The following EPS15L1 variants were observed in gnomAD, a reference collection of about 807,000 sequenced individuals.
EPS15L1 encodes the protein epidermal growth factor receptor pathway substrate 15 like 1, also known as epidermal growth factor receptor substrate 15-like 1.
Under a neutral mutation model 117.1 loss-of-function variants are expected in EPS15L1, and 43 were observed. That is an observed-to-expected ratio of 0.37 (90% CI 0.29 to 0.47). The LOEUF (loss-of-function observed/expected upper bound fraction) is 0.47. Among genes scored for constraint, EPS15L1 ranks in the 20% least tolerant of loss-of-function variants. The probability of loss-of-function intolerance (pLI) is 0.99; values close to 1 mark genes in which losing one functional copy is unlikely to be tolerated. For missense variants in EPS15L1, 981 were observed against 1,164.0 expected, an observed-to-expected ratio of 0.84 and a Z score of 2.29; for synonymous variants, 459 against 470.5, an observed-to-expected ratio of 0.98 and a Z score of 0.32.
chr19:16,355,395 G>GT lies in EPS15L1; in HGVS notation c.*309dup. The GT allele has an allele frequency of 6.0e-6, 2 of 332,334 alleles. No homozygotes were observed. The highest frequency in any genetic ancestry group is 8.2e-4 in the Middle Eastern group (1 of 1,218). The allele number at this position is 332,334 out of a possible 1,614,324, so 20.6% of individuals were successfully genotyped here. ...TAGGGAGGAGGCGGGGAAGCCCTGGGTGCTTCCTCTCCTCGACTGACCGCT... is the reference window on the plus strand; with the variant it reads ...TAGGGAGGAGGCGGGGAAGCCCTGGGTTGCTTCCTCTCCTCGACTGACCGCT... On this transcript the variant is annotated 3_prime_UTR_variant, in exon 24 of 24. Transcript: ENST00000455140.
intron 16 of EPS15L1, among the ~76,000 whole-genome samples, chr19:16,397,372 G>A (rs2092551409): frequency 6.6e-6 from 1 of 152,182 alleles, no homozygotes. Context: ...TTACAGGCGT[G>A]AGCCACCGCG....
In EPS15L1 at chr19:16,383,465, C is replaced by T. The variant is rs1361193243; in HGVS notation, c.2247+1664G>A. On this transcript the variant is annotated intron_variant, in intron 21 of 23. Coordinates refer to ENST00000455140, the MANE Select transcript of EPS15L1 (RefSeq NM_001258374.3). This position sits in a 1 kb window ranked among gnomAD's most constrained non-coding sequence, Gnocchi z 5.2. ...GCTGCCACCGTGTGGCCAACGTTTT[C>T]TGCTTTCGGGAGATGGTTTCCCGCC... The T allele has an allele frequency of 1.3e-5, 2 of 152,242 alleles. No individual in the cohort carries two copies. The highest frequency in any genetic ancestry group is 1.9e-4 in the East Asian group (1 of 5,190). The allele number at this position is 152,242 out of a possible 1,614,324, so 9.4% of individuals were successfully genotyped here. A position where few individuals can be genotyped will look rare whatever the true frequency, so the allele number is the denominator to read the frequency against.
chr19:16,436,927 G>C lies in EPS15L1; in HGVS notation c.372+10C>G. 1 of 1,609,316 alleles carries C rather than the reference G, an allele frequency of 6.2e-7. No homozygotes were observed. The highest frequency in any genetic ancestry group is 8.5e-7 in the Non-Finnish European group (1 of 1,175,984). ...GAGAGCCAAGGAGGGAGCTATTCCC[G>C]TTCACTTACCCTCACAGCCCAGTGG... On this transcript the variant is annotated intron_variant, in intron 6 of 23. Coordinates refer to ENST00000455140, the MANE Select transcript of EPS15L1 (RefSeq NM_001258374.3).
Position 16,471,950 on chromosome 19 carries a change from C to T in EPS15L1, c.-5G>A, listed in dbSNP as rs1437927525. On this transcript the variant is annotated 5_prime_UTR_variant, in exon 1 of 24. Transcript: ENST00000455140. This position sits in a 1 kb window ranked among gnomAD's most constrained non-coding sequence, Gnocchi z 4.8. Reference sequence around the variant, plus strand: ...GGGGATGAGCGGCGCCGCCATCTTCCCGCGGACTCGGGCTCCGAGCGCCGG... The same window carrying T: ...GGGGATGAGCGGCGCCGCCATCTTCTCGCGGACTCGGGCTCCGAGCGCCGG... 7.8e-7 allele frequency: 1 copy of T among 1,287,532 alleles called. No individual in the cohort carries two copies. Among genetic ancestry groups the T allele is most frequent in the Non-Finnish European group, 9.8e-7 (1 of 1,018,286 alleles). The allele number at this position is 1,287,532 out of a possible 1,614,324, so 79.8% of individuals were successfully genotyped here. A position where few individuals can be genotyped will look rare whatever the true frequency, so the allele number is the denominator to read the frequency against.
chr19:16,430,767 G>A (rs2092919911), intron 7 of EPS15L1, among the ~76,000 whole-genome samples: 1 of 152,220 alleles, frequency 6.6e-6, no homozygotes, highest in Non-Finnish European at 1.5e-5. Context: ...ACGGATGCAA[G>A]TGCGCACGGA....
intron 13 of EPS15L1, among the ~76,000 whole-genome samples, chr19:16,407,728 CAT>C (rs762351521): frequency 3.9e-5 from 6 of 152,188 alleles, no homozygotes; most frequent in Admixed American, 1.3e-4. Context: ...ATTTTTTGCA[CAT>C]AGTTTCTCCC....
intron 1 of EPS15L1, among the ~76,000 whole-genome samples, chr19:16,465,287 A>G (rs1599697948): frequency 6.6e-6 from 1 of 151,926 alleles, no homozygotes; most frequent in Admixed American, 6.6e-5. Flanking sequence ...AGCTTGGACC[A>G]CCCGTGACCT....
intron 9 of EPS15L1, among the ~76,000 whole-genome samples, chr19:16,423,906 G>C (rs918362925): frequency 6.6e-6 from 1 of 152,206 alleles, no homozygotes; most frequent in African/African-American, 2.4e-5. Flanking sequence ...TTATAGCTCT[G>C]GGATGACAAG....
At chr19:16,392,549 A>G (rs1166329604) in intron 18 of EPS15L1, 109 bp from the exon 19 acceptor site, 12 of 1,116,696 alleles carry the variant, frequency 1.1e-5, no homozygotes, top group Non-Finnish European at 1.4e-5. Flanking sequence ...TAGAAAGGTA[A>G]GAACGCTAGT....
At chr19:16,456,144 G>A (rs561489041) in intron 1 of EPS15L1, among the ~76,000 whole-genome samples, 3 of 152,264 alleles carry the variant, frequency 2.0e-5, no homozygotes, top group South Asian at 2.1e-4. Context: ...AGGTTGCAGC[G>A]AGCCGAGGTT....
intron 19 of EPS15L1, among the ~76,000 whole-genome samples, chr19:16,391,844 C>A (rs1568411384): frequency 6.6e-6 from 1 of 152,088 alleles, no homozygotes. Flanking sequence ...GTGACGGGAG[C>A]ACCTACCAAA....
In EPS15L1 at chr19:16,449,657, G is replaced by A. The variant is rs144649150; in HGVS notation, c.34-7438C>T. Among the ~76,000 whole-genome samples, 11 of 152,240 alleles carry A rather than the reference G, an allele frequency of 7.2e-5. No homozygotes were observed. In the East Asian group the frequency reaches 7.7e-4, roughly 11 times the overall value. ...CAGCAACTGTCCTGGGCATTTACCC[G>A]GGAGAAATGAAGAGTCATGTTCATA... On this transcript the variant is annotated intron_variant, in intron 1 of 23. Coordinates refer to ENST00000455140, the MANE Select transcript of EPS15L1 (RefSeq NM_001258374.3).
At chr19:16,401,384 C>T (rs1402006139) in intron 16 of EPS15L1, 2 of 985,360 alleles carry the variant, frequency 2.0e-6, no homozygotes, top group Non-Finnish European at 2.4e-6. Context: ...CGAGCGCTCA[C>T]TCTTATTCCA....
chr19:16,427,271 C>T (rs1378526822), intron 8 of EPS15L1, among the ~76,000 whole-genome samples: 1 of 152,118 alleles, frequency 6.6e-6, no homozygotes, highest in Non-Finnish European at 1.5e-5. Flanking sequence ...GGTGACAGAA[C>T]AAGACTCTGT....
intron 21 of EPS15L1, among the ~76,000 whole-genome samples, chr19:16,382,336 C>T (rs1327676211): frequency 1.3e-5 from 2 of 152,198 alleles, no homozygotes; most frequent in African/African-American, 2.4e-5. Flanking sequence ...CCTACTCGGG[C>T]AGCGGCTTCA....
chr19:16,401,586 C>T, intron 16 of EPS15L1: 1 of 985,570 alleles, frequency 1.0e-6, no homozygotes, highest in Non-Finnish European at 1.2e-6. Context: ...AACTACATGT[C>T]CCCAGGTTCG....
rs2092777184 is a variant in EPS15L1, at chr19:16,418,069, C to G, written c.986G>C (p.Ser329Thr). The G allele has an allele frequency of 1.9e-6, 3 of 1,614,056 alleles. No homozygotes were observed. The South Asian group carries it at 3.3e-5, about 18-fold the overall frequency. ...CATAGCTAACGCGAATTGGTCTTTG[C>G]TTAACTTCCCCGTTTGCCTCGTATC... Reference protein sequence around the residue: ...LADTRQTGKLSKDQFALAMYF... With the variant: ...LADTRQTGKLTKDQFALAMYF... Residue 329 changes from serine to threonine, a missense_variant, in exon 11 of 24, where the codon AGC becomes ACC. By Grantham distance (58) the Ser-to-Thr change is moderately conservative. This residue lies in a region of EPS15L1 where 819 missense variants were observed against 949.0 expected (regional missense o/e 0.86). Transcript: ENST00000455140.
At position 16,355,586 on chromosome 19, in the gene EPS15L1, C is replaced by T; in HGVS notation, c.*119G>A. 7.7e-7 allele frequency: 1 copy of T among 1,298,410 alleles called. No individual in the cohort carries two copies. The highest frequency in any genetic ancestry group is 1.0e-6 in the Non-Finnish European group (1 of 963,206). The allele number at this position is 1,298,410 out of a possible 1,614,324, so 80.4% of individuals were successfully genotyped here. On this transcript the variant is annotated 3_prime_UTR_variant, in exon 24 of 24. Transcript: ENST00000455140. ...CCGAGTCTGCTCACCCTGAACAAGC[C>T]CCCGAGTCCCGGTCCTTGGAGTACG... is the stretch of plus-strand genomic sequence containing the variant.
intron 21 of EPS15L1, among the ~76,000 whole-genome samples, chr19:16,380,223 G>A (rs552972178): frequency 1.1e-4 from 16 of 149,602 alleles, no homozygotes; most frequent in African/African-American, 3.0e-4. Flanking sequence ...ACACCAAAGC[G>A]GCCATCTAAG....
Sources: allele counts gnomAD v4.1 joint callset (sites outside exome capture counted in the v4.1 genomes callset), GRCh38; gene constraint gnomAD v4.1.1; regional missense constraint gnomAD v4.1.1; non-coding constraint Gnocchi (gnomAD v3.1); transcripts MANE v1.5; gene names NCBI Gene and HGNC (gene_info 2026-07-23, HGNC 2026-07-21).